Variants in TFDP2 observed in about 807,000 individuals in gnomAD.
The protein encoded by TFDP2 is transcription factor Dp-2 (E2F dimerization partner 2).
Under a neutral mutation model 59.3 loss-of-function variants are expected in TFDP2, and 17 were observed. The ratio of observed to expected loss-of-function variants is 0.29; its 90% CI spans 0.20 to 0.43. The LOEUF is 0.43. TFDP2 is among the 20% of genes least tolerant of loss of function. The pLI is 1.00. For missense variants in TFDP2, 391 were observed against 528.8 expected (o/e 0.74, Z 2.56); for synonymous variants, 180 against 194.7 (o/e 0.92, Z 0.63).
At chr3:142,084,207 C>G (rs2060733727) in intron 3 of TFDP2, among the ~76,000 whole-genome samples, 1 of 151,982 alleles carries the variant, frequency 6.6e-6, no homozygotes, top group East Asian at 1.9e-4. Flanking sequence ...ATATAAATGG[C>G]AAACAGGTAT....
intron 4 of TFDP2, among the ~76,000 whole-genome samples, chr3:141,997,721 G>T (rs1943397379): frequency 2.0e-5 from 3 of 151,530 alleles, no homozygotes; most frequent in African/African-American, 7.3e-5. Context: ...GTGGGGGTGG[G>T]CACCTATAAT....
intron 6 of TFDP2, among the ~76,000 whole-genome samples, chr3:141,990,787 G>A (rs1328839545): frequency 6.6e-6 from 1 of 152,162 alleles, no homozygotes; most frequent in Admixed American, 6.5e-5. Context: ...GCTGGGCACG[G>A]TGGCTCATGC....
intron 10 of TFDP2, among the ~76,000 whole-genome samples, chr3:141,962,348 C>A (rs1294809479): frequency 6.6e-6 from 1 of 151,820 alleles, no homozygotes; most frequent in East Asian, 1.9e-4. Context: ...TTTTGAAATT[C>A]CTGCTGTTTT....
chr3:142,038,613 GA>G (rs1288003994), intron 3 of TFDP2, among the ~76,000 whole-genome samples: 3 of 151,840 alleles, frequency 2.0e-5, no homozygotes, highest in East Asian at 3.9e-4. Flanking sequence ...GCTCATGTCA[GA>G]AAAAACTGCA....
At chr3:142,106,158 A>C (rs1473935616) in intron 1 of TFDP2, among the ~76,000 whole-genome samples, 1 of 152,182 alleles carries the variant, frequency 6.6e-6, no homozygotes, top group Non-Finnish European at 1.5e-5. Context: ...GTAGGCAATA[A>C]CTTCATTCAT....
intron 3 of TFDP2, among the ~76,000 whole-genome samples, chr3:142,050,566 C>T (rs536567199): frequency 1.3e-5 from 2 of 151,084 alleles, no homozygotes; most frequent in South Asian, 2.1e-4. Flanking sequence ...TGTGGTGGCA[C>T]GTGCCTGTAG....
chr3:141,973,125 T>G (rs375824610), intron 8 of TFDP2, among the ~76,000 whole-genome samples: 1 of 69,962 alleles, frequency 1.4e-5, no homozygotes, highest in African/African-American at 5.9e-5. Context: ...ATATATATAT[T>G]TTTTTTTTTT....
chr3:142,103,456 C>T (rs2061376987), intron 1 of TFDP2, among the ~76,000 whole-genome samples: 1 of 151,914 alleles, frequency 6.6e-6, no homozygotes, highest in South Asian at 2.1e-4. Context: ...TTTTCTTTTC[C>T]TCACATCTTT....
intron 3 of TFDP2, among the ~76,000 whole-genome samples, chr3:142,077,430 T>C (rs972033939): frequency 6.6e-6 from 1 of 152,056 alleles, no homozygotes; most frequent in Non-Finnish European, 1.5e-5. Context: ...TCCTTCTTTC[T>C]GCTTGAGGAG....
intron 3 of TFDP2, among the ~76,000 whole-genome samples, 186 bp downstream of exon 3, chr3:142,092,875 A>T (rs1264141918): frequency 6.6e-6 from 1 of 152,218 alleles, no homozygotes; most frequent in East Asian, 1.9e-4. Context: ...GAGAAAAATC[A>T]CACACAAAAA....
At chr3:142,002,225 C>T (rs1943843019) in intron 4 of TFDP2, among the ~76,000 whole-genome samples, 1 of 151,926 alleles carries the variant, frequency 6.6e-6, no homozygotes. Flanking sequence ...GAACTCCTGA[C>T]CTCAAGTGAT....
chr3:142,006,327 G>T (rs1944205697), intron 3 of TFDP2, among the ~76,000 whole-genome samples: 1 of 152,144 alleles, frequency 6.6e-6, no homozygotes. Flanking sequence ...CATCCATGAA[G>T]TATGTGAAAG....
chr3:142,097,505 AAC>A (rs1179799886), intron 2 of TFDP2, among the ~76,000 whole-genome samples: 2 of 152,092 alleles, frequency 1.3e-5, no homozygotes, highest in African/African-American at 4.8e-5. Context: ...AGCCTTAAGG[AAC>A]ATAGTGAGAT....
chr3:142,136,561 A>G (rs976887818), intron 1 of TFDP2, among the ~76,000 whole-genome samples: 4 of 152,030 alleles, frequency 2.6e-5, no homozygotes, highest in Non-Finnish European at 5.9e-5. Context: ...TAGGTCTAAC[A>G]TTTAAGTCTT....
intron 1 of TFDP2, among the ~76,000 whole-genome samples, chr3:142,138,056 G>A (rs2062802332): frequency 6.6e-6 from 1 of 152,188 alleles, no homozygotes; most frequent in Non-Finnish European, 1.5e-5. Flanking sequence ...TTCAGAGCCT[G>A]ATATTGGTCT....
intron 3 of TFDP2, among the ~76,000 whole-genome samples, chr3:142,035,903 G>T (rs1460968799): frequency 1.3e-5 from 2 of 152,182 alleles, no homozygotes; most frequent in Non-Finnish European, 2.9e-5. Context: ...TTTGTAAATT[G>T]CCATGTCTCA....
intron 1 of TFDP2, among the ~76,000 whole-genome samples, chr3:142,128,691 AAG>A (rs755122555): frequency 5.3e-5 from 8 of 152,102 alleles, no homozygotes; most frequent in Non-Finnish European, 1.0e-4. Flanking sequence ...GGAAAAAAGA[AAG>A]AGAGGGAGGG....
chr3:142,029,404 T>A (rs1367402523), intron 3 of TFDP2, among the ~76,000 whole-genome samples: 2 of 152,134 alleles, frequency 1.3e-5, no homozygotes, highest in Admixed American at 6.6e-5. Context: ...AGTCCCTTTA[T>A]AGCTAGGGTT....
In TFDP2 at chr3:142,128,116, G is replaced by A. The variant is rs146488890; in HGVS notation, c.-93+21067C>T. 2.5e-4 allele frequency among the ~76,000 whole-genome samples: 38 copies of A among 152,228 alleles called. No homozygotes were observed. The East Asian group carries it at 5.8e-3, about 23-fold the overall frequency. ...GCTACTCAGGAGGCTGAGGTGGGAC[G>A]ACTGCTTAAGCCCCGGAACTTGAGG... On this transcript the variant is annotated intron_variant, in intron 1 of 12. Coordinates refer to ENST00000489671, the MANE Select transcript of TFDP2 (RefSeq NM_001178139.2).
Sources: allele counts gnomAD v4.1 joint callset (sites outside exome capture counted in the v4.1 genomes callset), GRCh38; gene constraint gnomAD v4.1.1; transcripts MANE v1.5; gene names NCBI Gene and HGNC (gene_info 2026-07-23, HGNC 2026-07-21).